Variants in BRIP1 observed in about 807,000 individuals in gnomAD.
The protein encoded by BRIP1 is BRCA1 interacting DNA helicase 1, also known as Fanconi anemia group J protein.
Under a neutral mutation model 119.7 loss-of-function variants are expected in BRIP1, and 88 were observed. The ratio of observed to expected loss-of-function variants is 0.74; its 90% confidence interval spans 0.62 to 0.88. The LOEUF is 0.88. BRIP1 is among the 40% of genes least tolerant of loss of function. The probability of loss-of-function intolerance (pLI) is 0.00; values close to 1 mark genes in which losing one functional copy is unlikely to be tolerated. For synonymous variants in BRIP1, 443 were observed against 496.5 expected (o/e 0.89, Z 1.43); for missense variants, 1,259 against 1,455.4 (o/e 0.87, Z 2.20).
chr17:61,693,427 T>C lies in BRIP1; in HGVS notation c.2575+3A>G, dbSNP rs2144184882. The C allele has an allele frequency of 6.2e-7, 1 of 1,610,922 alleles. No homozygotes were observed. The highest frequency in any genetic ancestry group is 8.5e-7 in the Non-Finnish European group (1 of 1,177,150). ...TTTACTCTAAGCCCAGCTGAGATCT[T>C]ACCAGATATATAGCGACTTGGGTTA... is the stretch of plus-strand genomic sequence containing the variant. On this transcript the variant is annotated splice_donor_region_variant and intron_variant, in intron 18 of 19. Coordinates refer to ENST00000259008, the MANE Select transcript of BRIP1 (RefSeq NM_032043.3). The surrounding 1 kb of genome is among the most constrained non-coding windows in gnomAD (Gnocchi z 4.2).
Position 61,789,847 on chromosome 17 carries a change from T to C in BRIP1, c.1473+3750A>G, listed in dbSNP as rs1443394370. On this transcript the variant is annotated intron_variant, in intron 10 of 19. Transcript: ENST00000259008. This position sits in a 1 kb window ranked among gnomAD's most constrained non-coding sequence, Gnocchi z 4.8. ...AGAAGAAGGCATAAGTAGACATAAA[T>C]CACAATGTTCACAATGTTCATCTTT... Among the ~76,000 whole-genome samples the C allele has an allele frequency of 1.3e-5, 2 of 152,188 alleles. No homozygotes were observed. The highest frequency in any genetic ancestry group is 4.8e-5 in the African/African-American group (2 of 41,446).
chr17:61,762,546 A>G lies in BRIP1; in HGVS notation c.2097+13855T>C, dbSNP rs908363558. 1.3e-5 allele frequency among the ~76,000 whole-genome samples: 2 copies of G among 152,198 alleles called. No homozygotes were observed. Among genetic ancestry groups the G allele is most frequent in the Admixed American group, 1.3e-4 (2 of 15,264 alleles). ...CATTAGCAAGAACACAAATAACTCA[A>G]TTTAAAAATGGGCAAGGGATTTGAA... is the stretch of plus-strand genomic sequence containing the variant. On this transcript the variant is annotated intron_variant, in intron 14 of 19. Coordinates refer to ENST00000259008, the MANE Select transcript of BRIP1 (RefSeq NM_032043.3). The surrounding 1 kb of genome is among the most constrained non-coding windows in gnomAD (Gnocchi z 4.3).
rs2145874042 is a variant in BRIP1 at position 61,862,653 on chromosome 17, C to T, written c.-31+631G>A. Reference sequence around the variant, plus strand: ...GATTTCTCTTCCCGTAAATATATCTCAAGGAAATCAAAATAGCGGGGGAAA... The same window carrying T: ...GATTTCTCTTCCCGTAAATATATCTTAAGGAAATCAAAATAGCGGGGGAAA... On this transcript the variant is annotated intron_variant, in intron 1 of 19. Coordinates refer to ENST00000259008, the MANE Select transcript of BRIP1 (RefSeq NM_032043.3). This position sits in a 1 kb window ranked among gnomAD's most constrained non-coding sequence, Gnocchi z 5.3. Among the ~76,000 whole-genome samples the T allele has an allele frequency of 6.6e-6, 1 of 152,166 alleles. No individual in the cohort carries two copies. The highest frequency in any genetic ancestry group is 1.5e-5 in the Non-Finnish European group (1 of 68,004).
At chr17:61,696,842 G>A (rs922862461) in intron 17 of BRIP1, among the ~76,000 whole-genome samples, 3 of 151,432 alleles carry the variant, frequency 2.0e-5, no homozygotes, top group Non-Finnish European at 2.9e-5. Context: ...AAAATTAGCC[G>A]GGTGTGGTGG....
chr17:61,736,160 T>C lies in BRIP1; in HGVS notation c.2379+6853A>G, dbSNP rs1171186186. Reference sequence around the variant, plus strand: ...GTACAACATAGCAAGACCTCGCCTCTCCAAAAAAAAAAAAAAGTTTAGCCA... The same window carrying C: ...GTACAACATAGCAAGACCTCGCCTCCCCAAAAAAAAAAAAAAGTTTAGCCA... On this transcript the variant is annotated intron_variant, in intron 16 of 19. Coordinates refer to ENST00000259008, the MANE Select transcript of BRIP1 (RefSeq NM_032043.3). The surrounding 1 kb of genome is among the most constrained non-coding windows in gnomAD (Gnocchi z 4.4). 6.9e-6 allele frequency among the ~76,000 whole-genome samples: 1 copy of C among 144,424 alleles called. No homozygotes were observed. The highest frequency in any genetic ancestry group is 1.5e-5 in the Non-Finnish European group (1 of 65,920). 94.7% of individuals were successfully genotyped at this position (144,424 alleles called of 152,430 possible).
chr17:61,832,457 G>A lies in BRIP1; in HGVS notation c.627+14644C>T, dbSNP rs1164449119. On this transcript the variant is annotated intron_variant, in intron 6 of 19. Transcript: ENST00000259008. This position sits in a 1 kb window ranked among gnomAD's most constrained non-coding sequence, Gnocchi z 5.5. ...ACTGTAAAGTTATATTTTTTACCTA[G>A]CAGATATCATATTAATCAAGTTATC... 1.3e-5 allele frequency among the ~76,000 whole-genome samples: 2 copies of A among 152,082 alleles called. No homozygotes were observed. Among genetic ancestry groups the A allele is most frequent in the African/African-American group, 4.8e-5 (2 of 41,414 alleles).
rs551338531 is a variant in BRIP1 at position 61,680,476 on chromosome 17, A to ATTTTTT, written c.*2819_*2820insAAAAAA. On this transcript the variant is annotated 3_prime_UTR_variant, in exon 20 of 20. Transcript: ENST00000259008. ...ATGTAGTTTACCAATTCTAAAGGTA[A>ATTTTTT]TTTCTTTTTTTTTTTTTTTTTGAGA... is the stretch of plus-strand genomic sequence containing the variant. 8.0e-5 allele frequency among the ~76,000 whole-genome samples: 6 copies of ATTTTTT among 74,670 alleles called. No homozygotes were observed. The highest frequency in any genetic ancestry group is 5.2e-4 in the South Asian group (1 of 1,914). The allele number at this position is 74,670 out of a possible 152,430, so 49.0% of individuals were successfully genotyped here.
Position 61,768,255 on chromosome 17 carries a change from A to G in BRIP1, c.2097+8146T>C, listed in dbSNP as rs1299075506. On this transcript the variant is annotated intron_variant, in intron 14 of 19. Coordinates refer to ENST00000259008, the MANE Select transcript of BRIP1 (RefSeq NM_032043.3). The surrounding 1 kb of genome is among the most constrained non-coding windows in gnomAD (Gnocchi z 5.0). Reference sequence around the variant, plus strand: ...ATGAGATTTCTCAGGAAGATCTTAAATATAATATAAGCAAGGCTCTCAATA... The same window carrying G: ...ATGAGATTTCTCAGGAAGATCTTAAGTATAATATAAGCAAGGCTCTCAATA... 1.3e-5 allele frequency among the ~76,000 whole-genome samples: 2 copies of G among 152,210 alleles called. No homozygotes were observed. Among genetic ancestry groups the G allele is most frequent in the African/African-American group, 4.8e-5 (2 of 41,460 alleles).
At position 61,801,245 on chromosome 17, in the gene BRIP1, A is replaced by G. The variant is rs2077985492; in HGVS notation, c.1140+8T>C. 1 of 1,603,072 alleles carries G rather than the reference A, an allele frequency of 6.2e-7. No individual in the cohort carries two copies. The highest frequency in any genetic ancestry group is 1.7e-5 in the Admixed American group (1 of 59,960). On this transcript the variant is annotated splice_region_variant and intron_variant, in intron 8 of 19. Coordinates refer to ENST00000259008, the MANE Select transcript of BRIP1 (RefSeq NM_032043.3). ...GAAGAAGGTTCTCATTTTTACACAT[A>G]TACTCACACTTTCCCTTATTTGTGC...
chr17:61,858,750 T>C (rs2078933478), intron 3 of BRIP1, among the ~76,000 whole-genome samples: 1 of 152,222 alleles, frequency 6.6e-6, no homozygotes. Context: ...CATACATACA[T>C]ACACATACCA....
chr17:61,788,992 C>G (rs1244227402), intron 10 of BRIP1, among the ~76,000 whole-genome samples: 1 of 151,736 alleles, frequency 6.6e-6, no homozygotes, highest in East Asian at 1.9e-4. Context: ...TACTTGGGGG[C>G]GCTGAGGCAC....
rs1354344537 is a variant in BRIP1 at position 61,862,535 on chromosome 17, G to A, written c.-31+749C>T. On this transcript the variant is annotated intron_variant, in intron 1 of 19. Coordinates refer to ENST00000259008, the MANE Select transcript of BRIP1 (RefSeq NM_032043.3). This position sits in a 1 kb window ranked among gnomAD's most constrained non-coding sequence, Gnocchi z 5.3. ...TTCTAAACCACTTTTCTTAACCTAG[G>A]ATCCACGGATGTAATTCAGAGACAA... 6.6e-6 allele frequency among the ~76,000 whole-genome samples: 1 copy of A among 152,096 alleles called. No individual in the cohort carries two copies. Among genetic ancestry groups the A allele is most frequent in the African/African-American group, 2.4e-5 (1 of 41,404 alleles).
rs1236004749 is a variant in BRIP1 at position 61,810,222 on chromosome 17, T to G, written c.628-1465A>C. 6.6e-6 allele frequency among the ~76,000 whole-genome samples: 1 copy of G among 152,216 alleles called. No individual in the cohort carries two copies. Among genetic ancestry groups the G allele is most frequent in the Non-Finnish European group, 1.5e-5 (1 of 68,028 alleles). ...CCTGCCTTCTATATTGAATAATTACTTATTCACTAAAAGGATAAAAAGAAG... is the reference window on the plus strand; with the variant it reads ...CCTGCCTTCTATATTGAATAATTACGTATTCACTAAAAGGATAAAAAGAAG... On this transcript the variant is annotated intron_variant, in intron 6 of 19. Coordinates refer to ENST00000259008, the MANE Select transcript of BRIP1 (RefSeq NM_032043.3). The surrounding 1 kb of genome is among the most constrained non-coding windows in gnomAD (Gnocchi z 4.7).
intron 14 of BRIP1, among the ~76,000 whole-genome samples, chr17:61,765,950 C>G (rs2077367688): frequency 1.3e-5 from 2 of 151,998 alleles, no homozygotes; most frequent in Non-Finnish European, 2.9e-5. Flanking sequence ...TTAACATCCT[C>G]TTTCAGAGTA....
rs531152838 is a variant in BRIP1 at position 61,799,351 on chromosome 17, A to G, written c.1141-52T>C. On this transcript the variant is annotated intron_variant, in intron 8 of 19. Coordinates refer to ENST00000259008, the MANE Select transcript of BRIP1 (RefSeq NM_032043.3). This position sits in a 1 kb window ranked among gnomAD's most constrained non-coding sequence, Gnocchi z 5.1. ...AAACATTTGGCAAAATAGATTTAAC[A>G]ACAGCAGGCAAGATATTTCATTTTA... The G allele has an allele frequency of 1.8e-5, 25 of 1,362,916 alleles. 1 individual carries two copies. The South Asian group carries it at 2.6e-4, about 14-fold the overall frequency. The allele number at this position is 1,362,916 out of a possible 1,614,324, so 84.4% of individuals were successfully genotyped here.
At position 61,690,256 on chromosome 17, in the gene BRIP1, C is replaced by T. The variant is rs943068022; in HGVS notation, c.2575+3174G>A. ...GCAACACAAAAGCATAAAGTTTGCTCGTGAAGTTAAAAGTGTACACAAATA... is the reference window on the plus strand; with the variant it reads ...GCAACACAAAAGCATAAAGTTTGCTTGTGAAGTTAAAAGTGTACACAAATA... On this transcript the variant is annotated intron_variant, in intron 18 of 19. Coordinates refer to ENST00000259008, the MANE Select transcript of BRIP1 (RefSeq NM_032043.3). The surrounding 1 kb of genome is among the most constrained non-coding windows in gnomAD (Gnocchi z 5.6). Among the ~76,000 whole-genome samples, 7 of 152,070 alleles carry T rather than the reference C, an allele frequency of 4.6e-5. No homozygotes were observed. Among genetic ancestry groups the T allele is most frequent in the African/African-American group, 1.2e-4 (5 of 41,402 alleles).
chr17:61,737,810 T>C (rs2076938369), intron 16 of BRIP1, among the ~76,000 whole-genome samples: 1 of 152,212 alleles, frequency 6.6e-6, no homozygotes, highest in South Asian at 2.1e-4. Context: ...CAAATACCTT[T>C]TAATTATGAA....
In BRIP1 at chr17:61,798,957, T is replaced by C; in HGVS notation, c.1340+143A>G. 1 of 767,962 alleles carries C rather than the reference T, an allele frequency of 1.3e-6. No homozygotes were observed. The highest frequency in any genetic ancestry group is 1.6e-5 in the South Asian group (1 of 63,452). The allele number at this position is 767,962 out of a possible 1,614,324, so 47.6% of individuals were successfully genotyped here. A position where few individuals can be genotyped will look rare whatever the true frequency, so the allele number is the denominator to read the frequency against. On this transcript the variant is annotated intron_variant, in intron 9 of 19. Coordinates refer to ENST00000259008, the MANE Select transcript of BRIP1 (RefSeq NM_032043.3). The surrounding 1 kb of genome is among the most constrained non-coding windows in gnomAD (Gnocchi z 5.5). Reference sequence around the variant, plus strand: ...GACAAAAGGTTGGACTAGCCTTGTTTTTAAAGCTTAACTGGCAAGGAACAA... The same window carrying C: ...GACAAAAGGTTGGACTAGCCTTGTTCTTAAAGCTTAACTGGCAAGGAACAA...
In BRIP1 at chr17:61,815,543, TTAA is replaced by T. The variant is rs2078224148; in HGVS notation, c.628-6789_628-6787del. On this transcript the variant is annotated intron_variant, in intron 6 of 19. Transcript: ENST00000259008. The surrounding 1 kb of genome is among the most constrained non-coding windows in gnomAD (Gnocchi z 4.1). The stretch of plus-strand genomic sequence containing the variant: ...CACTGCTTCTGAACTCATTTCTATT[TTAA>T]TGTTTGTTAATTACCTAATATTAAC... 1.3e-5 allele frequency among the ~76,000 whole-genome samples: 2 copies of T among 152,202 alleles called. No homozygotes were observed. Among genetic ancestry groups the T allele is most frequent in the Admixed American group, 1.3e-4 (2 of 15,276 alleles).
Sources: gnomAD v4.1 joint callset for allele counts (sites outside exome capture counted in the v4.1 genomes callset) on GRCh38, gnomAD v4.1.1 for gene constraint, Gnocchi (gnomAD v3.1) non-coding constraint, MANE v1.5 for transcripts, NCBI Gene and HGNC (gene_info 2026-07-23, HGNC 2026-07-21) for gene names.